The following PRH1 variants were observed in gnomAD, a reference collection of about 807,000 sequenced individuals.
The protein encoded by PRH1 is proline rich protein HaeIII subfamily 1, also known as salivary acidic proline-rich phosphoprotein 1/2.
Under a neutral mutation model 7.9 loss-of-function variants are expected in PRH1, and 7 were observed. The ratio of observed to expected loss-of-function variants is 0.89; its 90% CI spans 0.50 to 1.67. The LOEUF (loss-of-function observed/expected upper bound fraction) is 1.67, where lower values mean the gene tolerates loss of function less well. Ranked by LOEUF, PRH1 falls within the 40% of genes most tolerant of loss-of-function variation. PRH1 has a pLI of 0.00. For synonymous variants in PRH1, 45 were observed against 80.8 expected (o/e 0.56, Z 2.38); for missense variants, 109 against 223.6 (o/e 0.49, Z 3.27).
At chr12:10,906,114 GAA>G (rs1343377533) in intron 2 of PRH1, among the ~76,000 whole-genome samples, 3 of 152,090 alleles carry the variant, frequency 2.0e-5, no homozygotes, top group Non-Finnish European at 4.4e-5. Context: ...TTTCTAAAAA[GAA>G]AATAAAAGAG....
chr12:11,099,692 A>T (rs1019421420), intron 1 of PRH1, among the ~76,000 whole-genome samples: 2 of 152,120 alleles, frequency 1.3e-5, no homozygotes, highest in African/African-American at 4.8e-5. Flanking sequence ...GTGAGACTCC[A>T]TCTCAAAAAA....
downstream of PRH1, among the ~76,000 whole-genome samples, chr12:11,117,504 G>C (rs915450861): frequency 6.6e-6 from 1 of 152,092 alleles, no homozygotes; most frequent in African/African-American, 2.4e-5. Context: ...AGAATCTACA[G>C]ATTCAATGCA....
At chr12:10,883,406 A>G (rs1232344767) in intron 1 of PRH1, among the ~76,000 whole-genome samples, 1 of 152,136 alleles carries the variant, frequency 6.6e-6, no homozygotes, top group African/African-American at 2.4e-5. Context: ...CTGCAGTCCC[A>G]TCTGTTTTCT....
At chr12:11,072,977 A>G (rs2136212925) in intron 1 of PRH1, among the ~76,000 whole-genome samples, 1 of 151,948 alleles carries the variant, frequency 6.6e-6, no homozygotes, top group South Asian at 2.1e-4. Flanking sequence ...CAGGAAATGG[A>G]AAGGTCCCTA....
intron 1 of PRH1, among the ~76,000 whole-genome samples, chr12:11,037,638 G>C (rs1430277564): frequency 6.6e-6 from 1 of 152,170 alleles, no homozygotes; most frequent in Non-Finnish European, 1.5e-5. Flanking sequence ...GAAATAAAAA[G>C]TGTCTATCAA....
In PRH1 at chr12:10,982,321, A is replaced by G. The variant is rs190220923; in HGVS notation, c.-125-8600T>C. Reference sequence around the variant, plus strand: ...GTTCCAGGGGGCGGTCGTCCATTTTATATCTTTATTCAGTTAACCTAACTG... The same window carrying G: ...GTTCCAGGGGGCGGTCGTCCATTTTGTATCTTTATTCAGTTAACCTAACTG... On this transcript the variant is annotated intron_variant, in intron 1 of 3. Coordinates refer to the PRH1 transcript ENST00000539853. Among the ~76,000 whole-genome samples the G allele has an allele frequency of 2.5e-3, 374 of 152,340 alleles. 1 individual carries two copies. Among genetic ancestry groups the G allele is most frequent in the African/African-American group, 8.7e-3 (362 of 41,584 alleles).
intron 1 of PRH1, among the ~76,000 whole-genome samples, chr12:11,137,712 C>A (rs1377882317): frequency 6.6e-6 from 1 of 152,076 alleles, no homozygotes; most frequent in Non-Finnish European, 1.5e-5. Context: ...GTGTATTGAG[C>A]TTGACTTAAA....
At chr12:11,059,189 G>A (rs992120074) in intron 1 of PRH1, among the ~76,000 whole-genome samples, 2 of 152,188 alleles carry the variant, frequency 1.3e-5, no homozygotes, top group Admixed American at 6.5e-5. Context: ...CTGGACTAAT[G>A]CCGGCTGTGG....
At chr12:10,973,857 T>C (rs1001983271) in intron 1 of PRH1, 2 of 469,380 alleles carry the variant, frequency 4.3e-6, no homozygotes, top group Non-Finnish European at 7.6e-6. Flanking sequence ...ATATATTTAA[T>C]GCAATCTCTA....
intron 1 of PRH1, among the ~76,000 whole-genome samples, chr12:11,168,941 A>T (rs564459725): frequency 6.6e-6 from 1 of 152,374 alleles, no homozygotes; most frequent in Non-Finnish European, 1.5e-5. Context: ...GCAGATAGCA[A>T]ACCAAAGGGT....
At chr12:10,888,422 C>A (rs771039379), upstream of PRH1, among the ~76,000 whole-genome samples, 4 of 152,134 alleles carry the variant, frequency 2.6e-5, no homozygotes. Flanking sequence ...GAGAGACTCA[C>A]CCAGGCTTCT....
At chr12:11,018,404 GAC>G (rs1433451551) in intron 1 of PRH1, among the ~76,000 whole-genome samples, 1 of 152,220 alleles carries the variant, frequency 6.6e-6, no homozygotes, top group Non-Finnish European at 1.5e-5. Context: ...GACTATATTG[GAC>G]ACAAACATGT....
rs1944333889 is a variant in PRH1 at position 11,077,570 on chromosome 12, T to A, written n.124-30382A>T. The A allele has an allele frequency of 3.9e-6, 5 of 1,273,184 alleles. 2 individuals are homozygous for A. Among genetic ancestry groups the A allele is most frequent in the Non-Finnish European group, 4.5e-6 (4 of 888,402 alleles). 78.9% of individuals were successfully genotyped at this position (1,273,184 alleles called of 1,614,324 possible). Reference sequence around the variant, plus strand: ...GAGATCACAGTTTGCAAAGCTTTTATGTGGACCTTGGTGCTGAGATCTTGA... The same window carrying A: ...GAGATCACAGTTTGCAAAGCTTTTAAGTGGACCTTGGTGCTGAGATCTTGA... On this transcript the variant is annotated intron_variant and non_coding_transcript_variant, in intron 1 of 4. Coordinates refer to the PRH1 transcript ENST00000541977.
intron 1 of PRH1, among the ~76,000 whole-genome samples, chr12:11,167,697 C>T (rs1050453577): frequency 4.6e-5 from 7 of 152,120 alleles, no homozygotes; most frequent in Admixed American, 3.3e-4. Context: ...CCACCCACCT[C>T]AGCCTCCCAA....
intron 2 of PRH1, among the ~76,000 whole-genome samples, chr12:10,944,743 A>AT (rs1002760788): frequency 6.6e-6 from 1 of 152,066 alleles, no homozygotes; most frequent in Admixed American, 6.6e-5. Context: ...TCAATATCTA[A>AT]TTTTTTGAAA....
At chr12:11,118,578 C>A (rs1243147007), downstream of PRH1, among the ~76,000 whole-genome samples, 1 of 151,998 alleles carries the variant, frequency 6.6e-6, no homozygotes, top group African/African-American at 2.4e-5. Context: ...GGGTATATAC[C>A]CAAAAGAAAG....
chr12:10,983,045 T>G (rs1236208084), intron 1 of PRH1, among the ~76,000 whole-genome samples: 2 of 151,734 alleles, frequency 1.3e-5, no homozygotes, highest in Non-Finnish European at 2.9e-5. Flanking sequence ...AGATATAGAG[T>G]CTGGCCCAAG....
chr12:10,929,590 C>G (rs1176171220), intron 2 of PRH1, among the ~76,000 whole-genome samples: 2 of 152,218 alleles, frequency 1.3e-5, no homozygotes, highest in East Asian at 3.9e-4. Context: ...TTTATAGAGA[C>G]ATGGGACTGC....
chr12:10,924,585 C>A (rs1021748746), intron 2 of PRH1, among the ~76,000 whole-genome samples: 1 of 152,192 alleles, frequency 6.6e-6, no homozygotes, highest in Non-Finnish European at 1.5e-5. Context: ...GGTACCAGCT[C>A]CTCCTTGTAA....
Sources: allele counts gnomAD v4.1 joint callset (sites outside exome capture counted in the v4.1 genomes callset), GRCh38; gene constraint gnomAD v4.1.1; transcripts MANE v1.5; gene names NCBI Gene and HGNC (gene_info 2026-07-23, HGNC 2026-07-21).